Variants in NRAP observed in about 807,000 individuals in gnomAD.
NRAP encodes nebulin related anchoring protein, also known as nebulin-related-anchoring protein.
NRAP carries 189 observed loss-of-function variants against 225.9 expected under a neutral mutation model. That is an observed-to-expected ratio of 0.84 (90% CI 0.74 to 0.94). The LOEUF (loss-of-function observed/expected upper bound fraction) is 0.94. Ranked by LOEUF, NRAP falls within the 40% of genes least tolerant of loss-of-function variation. The probability of loss-of-function intolerance (pLI) is 0.00; values close to 1 mark genes in which losing one functional copy is unlikely to be tolerated. For missense variants in NRAP, 2,176 were observed against 2,168.7 expected (o/e 1.00, Z -0.07); for synonymous variants, 769 against 790.7 (o/e 0.97, Z 0.46).
At chr10:113,639,945 C>A (rs1849103824) in intron 14 of NRAP, among the ~76,000 whole-genome samples, 1 of 152,194 alleles carries the variant, frequency 6.6e-6, no homozygotes, top group South Asian at 2.1e-4. Context: ...ATGTGCCCAG[C>A]AGGCAAAGCT....
chr10:113,634,645 C>T (rs934863285), intron 14 of NRAP, among the ~76,000 whole-genome samples: 7 of 152,278 alleles, frequency 4.6e-5, no homozygotes, highest in Admixed American at 2.0e-4. Flanking sequence ...GAAAACAGTA[C>T]GGCATTTGGG....
intron 16 of NRAP, among the ~76,000 whole-genome samples, chr10:113,632,251 A>T (rs1848620422): frequency 6.6e-6 from 1 of 152,212 alleles, no homozygotes; most frequent in South Asian, 2.1e-4. Context: ...TTGGGGCCTC[A>T]ATCTCCTATT....
At chr10:113,599,520 A>T (rs1018954903) in intron 35 of NRAP, among the ~76,000 whole-genome samples, 1 of 152,188 alleles carries the variant, frequency 6.6e-6, no homozygotes, top group Non-Finnish European at 1.5e-5. Flanking sequence ...TGAAGTGGGG[A>T]GCGCTCTTTC....
intron 11 of NRAP, among the ~76,000 whole-genome samples, chr10:113,643,535 A>G (rs1849330468): frequency 6.6e-6 from 1 of 152,208 alleles, no homozygotes; most frequent in African/African-American, 2.4e-5. Context: ...TTCAACGAGG[A>G]AAGTTACTTT....
chr10:113,652,896 T>A (rs754839783), intron 6 of NRAP, 39 bp downstream of exon 6: 2 of 1,414,636 alleles, frequency 1.4e-6, no homozygotes, highest in Non-Finnish European at 2.0e-6. Flanking sequence ...ATGACAAAAA[T>A]TAGCATAATC....
chr10:113,620,817 T>G, intron 24 of NRAP, 109 bp from the exon 25 acceptor site: 2 of 745,100 alleles, frequency 2.7e-6, no homozygotes, highest in Non-Finnish European at 4.7e-6. Context: ...TGAGTCAAAT[T>G]AGATGCCACT....
At position 113,622,022 on chromosome 10, in the gene NRAP, G is replaced by A. The variant is rs368538872; in HGVS notation, c.2616C>T (p.His872=). ...CGAGGTGGACCATGTCCAGGGAGAC[G>A]TGGCATTGGGATTTGGTGTCCTCGA... The part of the protein sequence containing the change: ...KGFEDTKSQC[H]VSLDMVHLVH... The change falls in exon 24 of 42, where the codon CAC becomes CAT. Residue 872 remains histidine (H), a synonymous_variant. Transcript: ENST00000359988. The A allele has an allele frequency of 4.3e-5, 69 of 1,614,234 alleles. No homozygotes were observed. The South Asian group carries it at 5.5e-4, about 13-fold the overall frequency.
intron 16 of NRAP, among the ~76,000 whole-genome samples, chr10:113,632,259 A>G (rs978158518): frequency 6.6e-6 from 1 of 152,132 alleles, no homozygotes; most frequent in African/African-American, 2.4e-5. Flanking sequence ...TCAATCTCCT[A>G]TTTGCAAAGA....
chr10:113,617,150 G>A (rs758941602), intron 26 of NRAP, among the ~76,000 whole-genome samples: 4 of 152,126 alleles, frequency 2.6e-5, no homozygotes, highest in African/African-American at 4.8e-5. Flanking sequence ...ACACTTTCAG[G>A]CAAAAGGAGA....
rs914584179 is a variant in NRAP at position 113,588,760 on chromosome 10, G to A, written c.*215C>T. The A allele has an allele frequency of 3.5e-5, 20 of 570,738 alleles. No individual in the cohort carries two copies. Among genetic ancestry groups the A allele is most frequent in the East Asian group, 1.1e-4 (4 of 35,062 alleles). The allele number at this position is 570,738 out of a possible 1,614,324, so 35.4% of individuals were successfully genotyped here. A position where few individuals can be genotyped will look rare whatever the true frequency, so the allele number is the denominator to read the frequency against. ...TCTTTATTCCTCAGCCCAGACACTC[G>A]AGGCACTCAACAGAATCAGCCATCC... is the stretch of plus-strand genomic sequence containing the variant. On this transcript the variant is annotated 3_prime_UTR_variant, in exon 42 of 42. Transcript: ENST00000359988.
chr10:113,635,504 T>C (rs1848817879), intron 14 of NRAP, among the ~76,000 whole-genome samples: 1 of 152,250 alleles, frequency 6.6e-6, no homozygotes, highest in Non-Finnish European at 1.5e-5. Context: ...CTCAGCTCAC[T>C]GCAACCTCCT....
At chr10:113,615,691 T>C in intron 27 of NRAP, 21 bp downstream of exon 27, 1 of 1,390,852 alleles carries the variant, frequency 7.2e-7, no homozygotes, top group Non-Finnish European at 1.0e-6. Flanking sequence ...TTAAAACTCG[T>C]GCCCCTTGGG....
intron 25 of NRAP, 92 bp from the exon 26 acceptor site, chr10:113,617,645 T>C: frequency 1.3e-6 from 1 of 780,178 alleles, no homozygotes; most frequent in Admixed American, 1.7e-5. Context: ...GAGATTAGAG[T>C]GAATTTGTGA....
chr10:113,621,265 T>C (rs1249170831), intron 24 of NRAP, among the ~76,000 whole-genome samples: 2 of 152,016 alleles, frequency 1.3e-5, no homozygotes, highest in South Asian at 2.1e-4. Flanking sequence ...TCTCTAAAAC[T>C]AGTATATCAC....
At chr10:113,662,984 A>G (rs1247082649) in intron 2 of NRAP, among the ~76,000 whole-genome samples, 1 of 152,230 alleles carries the variant, frequency 6.6e-6, no homozygotes, top group African/African-American at 2.4e-5. Flanking sequence ...CCTAAATTTA[A>G]CTGGAAATGA....
chr10:113,611,231 C>G (rs34808764), intron 30 of NRAP, among the ~76,000 whole-genome samples: 7,869 of 152,160 alleles, frequency 0.052, 247 homozygotes, highest in Non-Finnish European at 0.082. Context: ...TGGCAGCTCC[C>G]TCGTTCCTAC....
In NRAP at chr10:113,623,522, G is replaced by C; in HGVS notation, c.2457+7C>G. 6.3e-7 allele frequency: 1 copy of C among 1,599,002 alleles called. No homozygotes were observed. The highest frequency in any genetic ancestry group is 8.6e-7 in the Non-Finnish European group (1 of 1,166,664). On this transcript the variant is annotated splice_region_variant and intron_variant, in intron 23 of 41. Coordinates refer to ENST00000359988, the MANE Select transcript of NRAP (RefSeq NM_198060.4). Reference sequence around the variant, plus strand: ...CGGTCTCTTGTACAAGGTGGGGACAGACTCACCTCGCTAGCCAGGTCCCTC... The same window carrying C: ...CGGTCTCTTGTACAAGGTGGGGACACACTCACCTCGCTAGCCAGGTCCCTC...
intron 14 of NRAP, among the ~76,000 whole-genome samples, chr10:113,635,621 T>G (rs1278465272): frequency 6.6e-6 from 1 of 152,022 alleles, no homozygotes; most frequent in African/African-American, 2.4e-5. Flanking sequence ...AGAGACAGGG[T>G]TTCCCCGTGT....
intron 24 of NRAP, among the ~76,000 whole-genome samples, chr10:113,621,486 C>A (rs137969817): frequency 1.3e-5 from 2 of 152,072 alleles, no homozygotes; most frequent in African/African-American, 4.8e-5. Flanking sequence ...AATTAGCAAC[C>A]CACCCATTCC....
Sources: gnomAD v4.1 joint callset for allele counts (sites outside exome capture counted in the v4.1 genomes callset) on GRCh38, gnomAD v4.1.1 for gene constraint, MANE v1.5 for transcripts, NCBI Gene and HGNC (gene_info 2026-07-23, HGNC 2026-07-21) for gene names.